ASTN2: variants seen among roughly 807,000 people sequenced by gnomAD.
ASTN2 encodes astrotactin 2, also known as astrotactin-2.
Under a neutral mutation model 139.8 loss-of-function variants are expected in ASTN2, and 54 were observed. The observed-to-expected ratio is 0.39, with a 90% CI of 0.31 to 0.48. The LOEUF is 0.48. Among genes scored for constraint, ASTN2 ranks in the 20% least tolerant of loss-of-function variants. The pLI, the probability that ASTN2 is intolerant of heterozygous loss-of-function variation, is 0.95. For synonymous variants in ASTN2, 756 were observed against 719.5 expected, an observed-to-expected ratio of 1.05 and a Z score of -0.81; for missense variants, 1,565 against 1,725.1, an observed-to-expected ratio of 0.91 and a Z score of 1.64.
At chr9:116,957,414 A>T (rs7021489) in intron 10 of ASTN2, among the ~76,000 whole-genome samples, 93,732 of 152,032 alleles carry the variant, frequency 0.62, 32,474 homozygotes, top group Admixed American at 0.77. Context: ...TGACATCAGG[A>T]GGTTGCTATT....
At chr9:117,211,938 C>CCCATACGGATAG (rs59160255) in intron 3 of ASTN2, among the ~76,000 whole-genome samples, 14 of 152,078 alleles carry the variant, frequency 9.2e-5, no homozygotes, top group Non-Finnish European at 2.9e-5. Context: ...CTCCCATGCT[C>CCCATACGGATAG]ATGCAATCTT....
chr9:116,763,053 T>A (rs1829714379), intron 13 of ASTN2, among the ~76,000 whole-genome samples: 1 of 152,238 alleles, frequency 6.6e-6, no homozygotes, highest in South Asian at 2.1e-4. Context: ...GTTCTCTTTT[T>A]ACTGCACCAT....
intron 2 of ASTN2, among the ~76,000 whole-genome samples, chr9:117,234,686 G>A (rs868616248): frequency 2.6e-4 from 39 of 152,302 alleles, no homozygotes; most frequent in African/African-American, 6.5e-4. Flanking sequence ...CTAGAGCTCC[G>A]TGGAGCAGAG....
intron 3 of ASTN2, among the ~76,000 whole-genome samples, chr9:117,159,444 T>C (rs1334081): frequency 0.5 from 75,334 of 151,866 alleles, 19,363 homozygotes; most frequent in East Asian, 0.68. Flanking sequence ...AGCAAGAAAT[T>C]GGCCAGAACA....
chr9:116,458,667 A>T (rs1172975069), intron 20 of ASTN2, among the ~76,000 whole-genome samples: 1 of 152,048 alleles, frequency 6.6e-6, no homozygotes, highest in African/African-American at 2.4e-5. Context: ...CTGTATTTAC[A>T]GAATTAAAAA....
At chr9:117,098,276 T>C (rs1047472444) in intron 4 of ASTN2, among the ~76,000 whole-genome samples, 4 of 152,204 alleles carry the variant, frequency 2.6e-5, no homozygotes, top group Non-Finnish European at 5.9e-5. Context: ...GTGCCTACTT[T>C]ACAGATGAGG....
At chr9:116,701,478 C>G (rs1268196816) in intron 16 of ASTN2, among the ~76,000 whole-genome samples, 1 of 152,224 alleles carries the variant, frequency 6.6e-6, no homozygotes, top group Non-Finnish European at 1.5e-5. Flanking sequence ...GGAGATCTGT[C>G]TTTGCTGTCA....
chr9:117,228,869 G>C (rs775566003), intron 2 of ASTN2, among the ~76,000 whole-genome samples: 2 of 152,032 alleles, frequency 1.3e-5, no homozygotes, highest in Non-Finnish European at 2.9e-5. Context: ...ACAAAAATTA[G>C]CCAGGCATGG....
chr9:117,283,513 C>A (rs942571306), intron 2 of ASTN2, among the ~76,000 whole-genome samples: 14 of 152,118 alleles, frequency 9.2e-5, no homozygotes, highest in African/African-American at 3.1e-4. Flanking sequence ...CTTCATCATA[C>A]CTTGGCAATT....
intron 22 of ASTN2, among the ~76,000 whole-genome samples, chr9:116,431,652 C>A (rs1216177034): frequency 6.6e-6 from 1 of 152,170 alleles, no homozygotes; most frequent in Non-Finnish European, 1.5e-5. Flanking sequence ...GGGCAACAAT[C>A]TGCGGGTCAG....
At chr9:117,178,943 T>C (rs2132941307) in intron 3 of ASTN2, among the ~76,000 whole-genome samples, 1 of 152,314 alleles carries the variant, frequency 6.6e-6, no homozygotes, top group African/African-American at 2.4e-5. Context: ...CCTCCAGCCC[T>C]CTCATAGCCT....
At chr9:116,567,993 T>G (rs9969846) in intron 19 of ASTN2, among the ~76,000 whole-genome samples, 24,114 of 152,124 alleles carry the variant, frequency 0.16, 2,080 homozygotes, top group African/African-American at 0.21. Context: ...ACTGTATACA[T>G]GAATATTATT....
intron 22 of ASTN2, among the ~76,000 whole-genome samples, chr9:116,439,492 G>A (rs987596558): frequency 4.3e-5 from 6 of 139,790 alleles, no homozygotes; most frequent in African/African-American, 1.2e-4. Flanking sequence ...GAGCCACCGC[G>A]CCCGGCCTCA....
Position 116,955,472 on chromosome 9 carries a change from A to G in ASTN2, c.1889+19736T>C, listed in dbSNP as rs540069282. Among the ~76,000 whole-genome samples, 15 of 152,330 alleles carry G rather than the reference A, an allele frequency of 9.8e-5. No homozygotes were observed. In the East Asian group the frequency reaches 2.9e-3, roughly 29 times the overall value. On this transcript the variant is annotated intron_variant, in intron 10 of 22. Transcript: ENST00000313400. ...TGCATAGCTATTGGCTTAGCTGTTT[A>G]AAGGGACTAAGTTAAGAGCTAGCCG...
chr9:116,736,420 C>A lies in ASTN2; in HGVS notation c.2397-2897G>T, dbSNP rs1274495041. 3.3e-5 allele frequency among the ~76,000 whole-genome samples: 5 copies of A among 152,168 alleles called. No individual in the cohort carries two copies. The East Asian group carries it at 9.7e-4, about 29-fold the overall frequency. ...ATGGTAGATGTCTTCAAAAGACATC[C>A]TAGCACTCCTCATCACTGCTTGGGT... On this transcript the variant is annotated intron_variant, in intron 13 of 22. Coordinates refer to ENST00000313400, the MANE Select transcript of ASTN2 (RefSeq NM_001365068.1).
chr9:117,083,260 A>T (rs559665026), intron 5 of ASTN2, among the ~76,000 whole-genome samples: 4 of 152,180 alleles, frequency 2.6e-5, no homozygotes, highest in Non-Finnish European at 5.9e-5. Flanking sequence ...GCGTTTCTCA[A>T]TCTGGCTAAA....
chr9:117,294,177 T>C (rs183360871), intron 1 of ASTN2, among the ~76,000 whole-genome samples: 2 of 152,370 alleles, frequency 1.3e-5, no homozygotes, highest in African/African-American at 4.8e-5. Context: ...CCAGTGGATT[T>C]CCAGTCCATG....
chr9:116,727,063 G>A (rs1828647767), intron 15 of ASTN2, among the ~76,000 whole-genome samples: 2 of 143,692 alleles, frequency 1.4e-5, no homozygotes, highest in South Asian at 2.2e-4. Flanking sequence ...CACCTGAAAT[G>A]GCCTCCCTAT....
chr9:117,357,966 G>GGTC, intron 1 of ASTN2, among the ~76,000 whole-genome samples: 1 of 152,004 alleles, frequency 6.6e-6, no homozygotes, highest in South Asian at 2.1e-4. Flanking sequence ...TCTCTTTTTT[G>GGTC]GTCTTAGTTT....
Sources: gnomAD v4.1 joint callset for allele counts (sites outside exome capture counted in the v4.1 genomes callset) on GRCh38, gnomAD v4.1.1 for gene constraint, MANE v1.5 for transcripts, NCBI Gene and HGNC (gene_info 2026-07-23, HGNC 2026-07-21) for gene names.